The following SOX30 variants were observed in gnomAD, a reference collection of about 807,000 sequenced individuals.
The protein encoded by SOX30 is transcription factor SOX-30.
Under a neutral mutation model 58.6 loss-of-function variants are expected in SOX30, and 17 were observed. The observed-to-expected ratio is 0.29, with a 90% CI of 0.20 to 0.44. The LOEUF is 0.44. Ranked by LOEUF, SOX30 falls within the 20% of genes least tolerant of loss-of-function variation. The pLI is 1.00. For synonymous variants in SOX30, 421 were observed against 400.2 expected, an observed-to-expected ratio of 1.05 and a Z score of -0.62; for missense variants, 951 against 965.8, an observed-to-expected ratio of 0.98 and a Z score of 0.20.
Position 157,652,075 on chromosome 5 carries a change from C to A in SOX30, c.4G>T (p.Glu2Ter). Residue 2 changes from glutamate (E) to a stop codon, truncating the protein, a stop_gained, in exon 1 of 5, where the codon GAG (glutamate) becomes TAG (stop). Transcript: ENST00000265007. LOFTEE classifies it high-confidence loss of function. ...GGCGGCGGCTCGGGTCTGGCTCTCT[C>A]CATGGGGGAGGGGGACGCCCCGGCC... The part of the protein sequence containing the change: M[E>*]RARPEPPPQP... 1 of 1,404,336 alleles carries A rather than the reference C, an allele frequency of 7.1e-7. No homozygotes were observed. Among genetic ancestry groups the A allele is most frequent in the African/African-American group, 1.5e-5 (1 of 66,154 alleles). 87.0% of individuals were successfully genotyped at this position (1,404,336 alleles called of 1,614,324 possible). A position where few individuals can be genotyped will look rare whatever the true frequency, so the allele number is the denominator to read the frequency against.
At chr5:157,629,375 G>C (rs1357121250) in intron 4 of SOX30, among the ~76,000 whole-genome samples, 1 of 152,216 alleles carries the variant, frequency 6.6e-6, no homozygotes, top group East Asian at 1.9e-4. Context: ...ACTCAATGTA[G>C]GCAAGACGCT....
chr5:157,637,171 T>C (rs2113837783), intron 4 of SOX30, among the ~76,000 whole-genome samples: 1 of 148,452 alleles, frequency 6.7e-6, no homozygotes, highest in Non-Finnish European at 1.5e-5. Flanking sequence ...AAGCAGAGGC[T>C]AATACCACTC....
In SOX30 at chr5:157,638,232, T is replaced by C; in HGVS notation, c.1878A>G (p.Ser626=). 6.6e-7 allele frequency: 1 copy of C among 1,511,832 alleles called. No homozygotes were observed. The highest frequency in any genetic ancestry group is 8.8e-7 in the Non-Finnish European group (1 of 1,130,366). The allele number at this position is 1,511,832 out of a possible 1,614,324, so 93.7% of individuals were successfully genotyped here. The part of the protein sequence containing the change: ...YFLPGPHYFP[S]STCPYSRPPF... ...AAGGAAAAAAAATGTTAATTTACCTTGATGGGAAGTAGTGAGGTCCGGGTA... is the reference window on the plus strand; with the variant it reads ...AAGGAAAAAAAATGTTAATTTACCTCGATGGGAAGTAGTGAGGTCCGGGTA... Residue 626 remains serine, a splice_region_variant and synonymous_variant, in exon 4 of 5, where the codon TCA becomes TCG. Transcript: ENST00000265007.
chr5:157,664,997 G>A (rs1311173293), intron 2 of SOX30, among the ~76,000 whole-genome samples: 1 of 152,220 alleles, frequency 6.6e-6, no homozygotes, highest in Non-Finnish European at 1.5e-5. Context: ...TACACTGTTG[G>A]TGGGACTGTA....
chr5:157,643,057 T>C (rs1054888980), intron 3 of SOX30, among the ~76,000 whole-genome samples: 4 of 152,052 alleles, frequency 2.6e-5, no homozygotes, highest in Non-Finnish European at 5.9e-5. Flanking sequence ...AAATAGATCT[T>C]AGATGGCATT....
chr5:157,633,808 A>G (rs1758865495), intron 4 of SOX30, among the ~76,000 whole-genome samples: 1 of 152,180 alleles, frequency 6.6e-6, no homozygotes, highest in African/African-American at 2.4e-5. Context: ...TATTTTCCAT[A>G]TATTTCAAGA....
chr5:157,668,854 G>A (rs749692548), intron 1 of SOX30, among the ~76,000 whole-genome samples: 1 of 152,188 alleles, frequency 6.6e-6, no homozygotes, highest in Non-Finnish European at 1.5e-5. Context: ...GAGCCTGGGA[G>A]TAGGAAGGTG....
intron 3 of SOX30, among the ~76,000 whole-genome samples, chr5:157,640,852 G>A (rs533524080): frequency 5.3e-5 from 8 of 152,046 alleles, no homozygotes; most frequent in Non-Finnish European, 7.4e-5. Context: ...ACTCCACCTC[G>A]CATATGTAAT....
chr5:157,626,758 G>C, intron 4 of SOX30, 37 bp from the exon 5 acceptor site: 1 of 1,553,890 alleles, frequency 6.4e-7, no homozygotes, highest in Non-Finnish European at 8.6e-7. Flanking sequence ...ATTAGATCTT[G>C]CCCACATATT....
chr5:157,665,297 A>G (rs1321899086), intron 2 of SOX30, among the ~76,000 whole-genome samples: 1 of 152,220 alleles, frequency 6.6e-6, no homozygotes, highest in Admixed American at 6.5e-5. Flanking sequence ...TGTCCTTTGT[A>G]GGGACATGGA....
chr5:157,649,039 C>T, intron 1 of SOX30, 143 bp from the exon 2 acceptor site: 1 of 1,041,190 alleles, frequency 9.6e-7, no homozygotes, highest in Non-Finnish European at 1.3e-6. Context: ...AAAAAACCTG[C>T]CAGTATTCCA....
intron 4 of SOX30, among the ~76,000 whole-genome samples, chr5:157,627,192 T>C (rs11747197): frequency 0.17 from 25,340 of 151,944 alleles, 2,445 homozygotes; most frequent in African/African-American, 0.27. Context: ...TGAAACCCCA[T>C]CTCTACTAAA....
chr5:157,669,822 C>T (rs1215019177), intron 1 of SOX30, among the ~76,000 whole-genome samples: 1 of 152,136 alleles, frequency 6.6e-6, no homozygotes, highest in African/African-American at 2.4e-5. Flanking sequence ...CCCAGCCTGG[C>T]CATTTTTCTG....
intron 3 of SOX30, among the ~76,000 whole-genome samples, chr5:157,639,804 G>A (rs1471917633): frequency 6.6e-6 from 1 of 152,212 alleles, no homozygotes; most frequent in Non-Finnish European, 1.5e-5. Flanking sequence ...GGTTGGACAT[G>A]TCTCTGTCAT....
chr5:157,637,371 A>C (rs1418468874), intron 4 of SOX30, among the ~76,000 whole-genome samples: 1 of 152,188 alleles, frequency 6.6e-6, no homozygotes, highest in Non-Finnish European at 1.5e-5. Context: ...CTAGGTAAAT[A>C]AACAATTTTT....
chr5:157,632,475 G>A (rs969102119), intron 4 of SOX30, among the ~76,000 whole-genome samples: 6 of 152,158 alleles, frequency 3.9e-5, no homozygotes, highest in East Asian at 1.9e-4. Flanking sequence ...TTAGCTGGAC[G>A]TGGTGGTGGG....
chr5:157,667,300 T>A lies in SOX30; in HGVS notation c.52+498A>T, dbSNP rs138402914. ...TTCTATGATGGTGGCAGTGGACAGA[T>A]GAAAAGTACTATCTCTTAAAGAGAT... is the stretch of plus-strand genomic sequence containing the variant. On this transcript the variant is annotated intron_variant, in intron 2 of 5. Transcript: ENST00000519442. 2.3e-3 allele frequency among the ~76,000 whole-genome samples: 344 copies of A among 152,370 alleles called. 1 individual carries two copies. The highest frequency in any genetic ancestry group is 3.7e-3 in the South Asian group (18 of 4,828).
chr5:157,634,553 C>CAT (rs1184968875), intron 4 of SOX30, among the ~76,000 whole-genome samples: 1 of 151,868 alleles, frequency 6.6e-6, no homozygotes, highest in Non-Finnish European at 1.5e-5. Flanking sequence ...TAAATATATA[C>CAT]ATATATACAC....
chr5:157,646,167 T>C (rs1195655564), intron 3 of SOX30, among the ~76,000 whole-genome samples: 3 of 152,138 alleles, frequency 2.0e-5, no homozygotes, highest in Admixed American at 2.0e-4. Context: ...GAGATTAATA[T>C]AATGAACCAA....
Sources: gnomAD v4.1 joint callset for allele counts (sites outside exome capture counted in the v4.1 genomes callset) on GRCh38, gnomAD v4.1.1 for gene constraint, MANE v1.5 for transcripts, NCBI Gene and HGNC (gene_info 2026-07-23, HGNC 2026-07-21) for gene names.